PLEKHM1: variants seen among roughly 807,000 people sequenced by gnomAD.
PLEKHM1 encodes pleckstrin homology domain-containing family M member 1.
In PLEKHM1, 28 loss-of-function variants were observed where a neutral mutation model predicts 94.3. The observed-to-expected ratio is 0.30, with a 90% confidence interval of 0.22 to 0.41. The LOEUF is 0.41. PLEKHM1 is among the 10% of genes least tolerant of loss of function. The probability of loss-of-function intolerance (pLI) is 1.00; values close to 1 mark genes in which losing one functional copy is unlikely to be tolerated. For synonymous variants in PLEKHM1, 424 were observed against 581.2 expected (o/e 0.73, Z 3.89); for missense variants, 907 against 1,358.6 (o/e 0.67, Z 5.22).
Position 45,436,284 on chromosome 17 carries a change from G to T in PLEKHM1, c.*1574C>A, listed in dbSNP as rs1384188858. On this transcript the variant is annotated 3_prime_UTR_variant, in exon 12 of 12. Transcript: ENST00000430334. ...GTGGAGCGTTAATGTGGGCCATGGC[G>T]GTGCATAACCCAGCTCCTGGCTTAG... 4 of 454,064 alleles carry T rather than the reference G, an allele frequency of 8.8e-6. No homozygotes were observed. Among genetic ancestry groups the T allele is most frequent in the African/African-American group, 2.0e-5 (1 of 50,022 alleles). The allele number at this position is 454,064 out of a possible 1,614,324, so 28.1% of individuals were successfully genotyped here.
In PLEKHM1 at chr17:45,444,184, C is replaced by T. The variant is rs1026868238; in HGVS notation, c.2837+1286G>A. Among the ~76,000 whole-genome samples, 12 of 152,120 alleles carry T rather than the reference C, an allele frequency of 7.9e-5. No homozygotes were observed. The highest frequency in any genetic ancestry group is 2.4e-4 in the African/African-American group (10 of 41,418). Reference sequence around the variant, plus strand: ...AGCCCTGTGGGGAGGGAAGGCCAGACGGGGGAACCTGGAGGGGCTTGTGAA... The same window carrying T: ...AGCCCTGTGGGGAGGGAAGGCCAGATGGGGGAACCTGGAGGGGCTTGTGAA... On this transcript the variant is annotated intron_variant, in intron 9 of 11. Transcript: ENST00000430334. The surrounding 1 kb of genome is among the most constrained non-coding windows in gnomAD (Gnocchi z 5.0).
At position 45,436,811 on chromosome 17, in the gene PLEKHM1, G is replaced by C; in HGVS notation, c.*1047C>G. 2.2e-6 allele frequency: 1 copy of C among 454,130 alleles called. No individual in the cohort carries two copies. The highest frequency in any genetic ancestry group is 4.4e-6 in the Non-Finnish European group (1 of 226,788). 28.1% of individuals were successfully genotyped at this position (454,130 alleles called of 1,614,324 possible). A position where few individuals can be genotyped will look rare whatever the true frequency, so the allele number is the denominator to read the frequency against. On this transcript the variant is annotated 3_prime_UTR_variant, in exon 12 of 12. Coordinates refer to ENST00000430334, the MANE Select transcript of PLEKHM1 (RefSeq NM_014798.3). ...GCTGCATCCACAGGGCAGTTCCCCC[G>C]CACGCCCTGCACAGCTTAGGACCAG...
chr17:45,487,783 A>T (rs751841273), intron 1 of PLEKHM1: 1 of 456,094 alleles, frequency 2.2e-6, no homozygotes, highest in East Asian at 6.9e-5. Context: ...CTCCACCATC[A>T]GTGAACAGCA....
Position 45,435,958 on chromosome 17 carries a change from C to A in PLEKHM1, c.*1900G>T, listed in dbSNP as rs2145140454. On this transcript the variant is annotated 3_prime_UTR_variant, in exon 12 of 12. Coordinates refer to ENST00000430334, the MANE Select transcript of PLEKHM1 (RefSeq NM_014798.3). Reference sequence around the variant, plus strand: ...ATTCAAAACTCACACGGCAGCAATTCCTTCAATACATTGCAAAGACTCCTC... The same window carrying A: ...ATTCAAAACTCACACGGCAGCAATTACTTCAATACATTGCAAAGACTCCTC... 4.4e-6 allele frequency: 2 copies of A among 456,598 alleles called. No individual in the cohort carries two copies. The highest frequency in any genetic ancestry group is 4.7e-5 in the Admixed American group (2 of 42,588). The allele number at this position is 456,598 out of a possible 1,614,324, so 28.3% of individuals were successfully genotyped here. A position where few individuals can be genotyped will look rare whatever the true frequency, so the allele number is the denominator to read the frequency against.
At position 45,468,326 on chromosome 17, in the gene PLEKHM1, C is replaced by T. The variant is rs368378985; in HGVS notation, c.1191G>A (p.Gln397=). Reference sequence around the variant, plus strand: ...CTGTCTCGCTGACAGTACTAGAAGGCTGCTGGCCTGAGGTGCTCTCTACAG... The same window carrying T: ...CTGTCTCGCTGACAGTACTAGAAGGTTGCTGGCCTGAGGTGCTCTCTACAG... The part of the protein sequence containing the change: ...QQPVESTSGQ[Q]PSSTVSETAR... Residue 397 remains glutamine, a synonymous_variant, in exon 5 of 12, where the codon CAG becomes CAA. Transcript: ENST00000430334. 9.5e-5 allele frequency: 154 copies of T among 1,613,702 alleles called. No individual in the cohort carries two copies. The highest frequency in any genetic ancestry group is 1.3e-4 in the Non-Finnish European group (149 of 1,179,932).
intron 1 of PLEKHM1, among the ~76,000 whole-genome samples, chr17:45,485,449 C>T (rs546637691): frequency 5.8e-4 from 89 of 152,168 alleles, no homozygotes; most frequent in African/African-American, 2.0e-3. Context: ...GGGCCGGGAC[C>T]CTAAGGACTT....
intron 4 of PLEKHM1, among the ~76,000 whole-genome samples, chr17:45,469,384 G>T (rs1222241643): frequency 2.6e-5 from 4 of 152,186 alleles, no homozygotes; most frequent in Non-Finnish European, 5.9e-5. Flanking sequence ...ACACTGCACA[G>T]AAACATGCCC....
intron 6 of PLEKHM1, chr17:45,456,295 C>T (rs749513798): frequency 1.3e-5 from 2 of 152,232 alleles, no homozygotes; most frequent in Non-Finnish European, 2.9e-5. Context: ...AAGACAGGGA[C>T]ACTGCTTTGC....
chr17:45,454,691 C>G lies in PLEKHM1; in HGVS notation c.1580-419G>C, dbSNP rs150468163. On this transcript the variant is annotated intron_variant, in intron 6 of 11. Coordinates refer to ENST00000430334, the MANE Select transcript of PLEKHM1 (RefSeq NM_014798.3). ...CTCCTCTGTCACTGCTTTCTTCCTT[C>G]TCTATGGGGTGACTCCCATCGGCAC... 2.5e-3 allele frequency: 922 copies of G among 363,668 alleles called. 10 individuals are homozygous for G. The highest frequency in any genetic ancestry group is 0.018 in the African/African-American group (865 of 48,612). 22.5% of individuals were successfully genotyped at this position (363,668 alleles called of 1,614,324 possible).
chr17:45,483,113 G>C (rs1277007993), intron 1 of PLEKHM1, among the ~76,000 whole-genome samples: 1 of 151,866 alleles, frequency 6.6e-6, no homozygotes, highest in African/African-American at 2.4e-5. Context: ...GGCTTCGAGG[G>C]TCTGGCTTGA....
intron 6 of PLEKHM1, among the ~76,000 whole-genome samples, chr17:45,456,605 G>C (rs2050957309): frequency 6.6e-6 from 1 of 152,200 alleles, no homozygotes; most frequent in Non-Finnish European, 1.5e-5. Flanking sequence ...GCCATCACAC[G>C]GGCCAACAGA....
intron 9 of PLEKHM1, among the ~76,000 whole-genome samples, chr17:45,441,609 G>A (rs1255801671): frequency 6.6e-6 from 1 of 152,154 alleles, no homozygotes; most frequent in Non-Finnish European, 1.5e-5. Flanking sequence ...AGCCCTGGGA[G>A]CCCCTGTGCC....
At chr17:45,484,381 C>T (rs193257246) in intron 1 of PLEKHM1, among the ~76,000 whole-genome samples, 2 of 152,322 alleles carry the variant, frequency 1.3e-5, no homozygotes, top group Non-Finnish European at 2.9e-5. Context: ...TGAACCTTGG[C>T]TTTCACAACC....
chr17:45,453,912 G>A lies in PLEKHM1; in HGVS notation c.1940C>T (p.Pro647Leu), dbSNP rs2050859524. Residue 647 changes from proline (P) to leucine (L), a missense_variant, in exon 7 of 12, where the codon CCC becomes CTC. Transcript: ENST00000430334. The surrounding 1 kb of genome is among the most constrained non-coding windows in gnomAD (Gnocchi z 4.1). ...GAGGCAGCCCTGGGGCGCCTCGGGG[G>A]GTTCCTCAGGCTGGTCTGGGTACTG... ...NVQYPDQPEE[P>L]PEAPQGCLSP... The A allele has an allele frequency of 6.2e-7, 1 of 1,613,808 alleles. No individual in the cohort carries two copies. The highest frequency in any genetic ancestry group is 1.1e-5 in the South Asian group (1 of 91,068).
At chr17:45,465,319 T>A (rs1156289089) in intron 5 of PLEKHM1, among the ~76,000 whole-genome samples, 1 of 151,322 alleles carries the variant, frequency 6.6e-6, no homozygotes, top group African/African-American at 2.4e-5. Context: ...GGACAGAGAG[T>A]CACTGGGGAT....
chr17:45,489,732 C>T (rs2052247613), intron 1 of PLEKHM1, among the ~76,000 whole-genome samples: 1 of 152,038 alleles, frequency 6.6e-6, no homozygotes, highest in African/African-American at 2.4e-5. Context: ...TGAGTGAGCA[C>T]CTACATTTGG....
Position 45,445,004 on chromosome 17 carries a change from TCCCTGCCAGGCCAGAGA to T in PLEKHM1, c.2837+449_2837+465del, listed in dbSNP as rs2145179888. On this transcript the variant is annotated intron_variant, in intron 9 of 11. Coordinates refer to ENST00000430334, the MANE Select transcript of PLEKHM1 (RefSeq NM_014798.3). This position sits in a 1 kb window ranked among gnomAD's most constrained non-coding sequence, Gnocchi z 4.2. The stretch of plus-strand genomic sequence containing the variant: ...GAGTTGCTGGCTTTCCTACTTGTCT[TCCCTGCCAGGCCAGAGA>T]CTTCCGGCGGGTCGGCCCTGGCTCT... 6.6e-6 allele frequency among the ~76,000 whole-genome samples: 1 copy of T among 152,252 alleles called. No homozygotes were observed. Among genetic ancestry groups the T allele is most frequent in the South Asian group, 2.1e-4 (1 of 4,824 alleles).
chr17:45,473,660 A>G (rs1464368504), intron 4 of PLEKHM1, among the ~76,000 whole-genome samples: 3 of 151,292 alleles, frequency 2.0e-5, no homozygotes, highest in Non-Finnish European at 4.4e-5. Flanking sequence ...CTGGGTCCAC[A>G]CCATTCTCCT....
chr17:45,458,387 T>C lies in PLEKHM1; in HGVS notation c.1361A>G (p.Gln454Arg). 2 of 1,613,974 alleles carry C rather than the reference T, an allele frequency of 1.2e-6. No individual in the cohort carries two copies. Among genetic ancestry groups the C allele is most frequent in the Non-Finnish European group, 1.7e-6 (2 of 1,179,820 alleles). The part of the protein sequence containing the change: ...EDDFYRPSRE[Q>R]PLESASDHPI... ...GTGGTCTGAAGCACTCTCCAGGGGT[T>C]GCTCCCGGGAAGGCCGGTAGAAGTC... Residue 454 changes from glutamine to arginine, a missense_variant, in exon 6 of 12, where the codon CAA becomes CGA. Physicochemically the swap from Gln to Arg is conservative, Grantham distance 43. Around this residue, in one of 3 missense-constraint regions of PLEKHM1, gnomAD observed 477 missense variants for 601.5 expected, o/e 0.79. Transcript: ENST00000430334.
Sources: allele counts gnomAD v4.1 joint callset (sites outside exome capture counted in the v4.1 genomes callset), GRCh38; gene constraint gnomAD v4.1.1; regional missense constraint gnomAD v4.1.1; non-coding constraint Gnocchi (gnomAD v3.1); transcripts MANE v1.5; gene names NCBI Gene and HGNC (gene_info 2026-07-23, HGNC 2026-07-21).